HMBOX1: variants seen among roughly 807,000 people sequenced by gnomAD.
The protein encoded by HMBOX1 is homeobox containing 1, also known as homeobox-containing protein 1.
A neutral mutation model predicts 54.5 loss-of-function variants in HMBOX1; 14 were observed. That is an observed-to-expected ratio of 0.26 (90% CI 0.17 to 0.40). The LOEUF (loss-of-function observed/expected upper bound fraction) is 0.40. HMBOX1 is among the 10% of genes least tolerant of loss of function. HMBOX1 has a pLI of 1.00. For missense variants in HMBOX1, 332 were observed against 514.4 expected (o/e 0.65, Z 3.43); for synonymous variants, 160 against 181.0 (o/e 0.88, Z 0.93).
intron 1 of HMBOX1, among the ~76,000 whole-genome samples, chr8:28,962,023 C>G (rs1235719222): frequency 6.6e-6 from 1 of 151,338 alleles, no homozygotes; most frequent in East Asian, 1.9e-4. Flanking sequence ...ATCCTCCTGC[C>G]TCAACCTCCT....
chr8:28,947,883 C>T (rs370912556), intron 1 of HMBOX1, among the ~76,000 whole-genome samples: 1 of 152,086 alleles, frequency 6.6e-6, no homozygotes, highest in East Asian at 1.9e-4. Flanking sequence ...ATCTTGAATG[C>T]TTTGTCCCTT....
In HMBOX1 at chr8:28,941,117, A is replaced by AT. The variant is rs568145149; in HGVS notation, c.-57-22687dup. ...AAAATTACCTAAGCCTAGTCCTCAT[A>AT]TTTTTTTCTTTTCTATGGTTCAGAA... On this transcript the variant is annotated intron_variant, in intron 1 of 9. Transcript: ENST00000287701. Among the ~76,000 whole-genome samples the AT allele has an allele frequency of 3.0e-3, 458 of 152,110 alleles. 3 individuals carry two copies. The highest frequency in any genetic ancestry group is 0.014 in the Middle Eastern group (4 of 294).
intron 1 of HMBOX1, among the ~76,000 whole-genome samples, chr8:28,949,412 CACATATT>C (rs1391933096): frequency 6.6e-6 from 1 of 152,194 alleles, no homozygotes; most frequent in Non-Finnish European, 1.5e-5. Flanking sequence ...ATCCTGAGAA[CACATATT>C]ATTTACCCGA....
intron 6 of HMBOX1, among the ~76,000 whole-genome samples, chr8:29,033,329 A>C (rs1803312476): frequency 6.6e-6 from 1 of 152,222 alleles, no homozygotes; most frequent in Non-Finnish European, 1.5e-5. Flanking sequence ...ACTCGGGTGG[A>C]ACATAATGAA....
intron 4 of HMBOX1, among the ~76,000 whole-genome samples, chr8:28,983,034 G>T (rs1436196817): frequency 6.6e-6 from 1 of 152,114 alleles, no homozygotes; most frequent in Non-Finnish European, 1.5e-5. Flanking sequence ...TCCTGTTTTC[G>T]CAAGCAAGAA....
chr8:28,974,033 C>T (rs999120945), intron 3 of HMBOX1, among the ~76,000 whole-genome samples: 1 of 151,776 alleles, frequency 6.6e-6, no homozygotes. Flanking sequence ...AGGCTGGTCT[C>T]AAACTCCTGG....
chr8:29,001,531 T>C (rs1161664214), intron 4 of HMBOX1, among the ~76,000 whole-genome samples: 2 of 149,946 alleles, frequency 1.3e-5, no homozygotes, highest in South Asian at 2.1e-4. Flanking sequence ...GCCTCGGTAA[T>C]AGAGCGAGAT....
intron 1 of HMBOX1, among the ~76,000 whole-genome samples, chr8:28,928,103 C>A (rs1818862176): frequency 6.6e-6 from 1 of 151,742 alleles, no homozygotes; most frequent in Non-Finnish European, 1.5e-5. Flanking sequence ...CCACTGAACT[C>A]CAGCCTGGTG....
intron 3 of HMBOX1, among the ~76,000 whole-genome samples, chr8:28,975,428 C>T (rs1167684693): frequency 6.6e-6 from 1 of 152,186 alleles, no homozygotes; most frequent in African/African-American, 2.4e-5. Context: ...ATTCAACCAA[C>T]AGGCATAACT....
At chr8:28,924,913 CTTTT>C (rs368684931) in intron 1 of HMBOX1, among the ~76,000 whole-genome samples, 1 of 126,374 alleles carries the variant, frequency 7.9e-6, no homozygotes. Context: ...CGCCCAGCCT[CTTTT>C]TTTTTTTTTT....
chr8:28,937,357 A>G (rs1367128389), intron 1 of HMBOX1, among the ~76,000 whole-genome samples: 1 of 152,220 alleles, frequency 6.6e-6, no homozygotes, highest in Non-Finnish European at 1.5e-5. Flanking sequence ...TTATTATCTC[A>G]TAAGAGTACT....
At chr8:28,944,907 G>T (rs1360964986) in intron 1 of HMBOX1, among the ~76,000 whole-genome samples, 1 of 152,008 alleles carries the variant, frequency 6.6e-6, no homozygotes, top group Non-Finnish European at 1.5e-5. Flanking sequence ...TGCAGTTGCT[G>T]GGGGAAAGCA....
intron 1 of HMBOX1, among the ~76,000 whole-genome samples, chr8:28,947,880 A>G (rs192198093): frequency 9.9e-5 from 15 of 152,220 alleles, no homozygotes; most frequent in African/African-American, 3.1e-4. Context: ...TTGATCTTGA[A>G]TGCTTTGTCC....
intron 4 of HMBOX1, among the ~76,000 whole-genome samples, chr8:28,986,086 C>G (rs753127803): frequency 1.3e-5 from 2 of 152,170 alleles, no homozygotes; most frequent in Non-Finnish European, 2.9e-5. Context: ...CTGTTCATCC[C>G]CTTCTCCCCT....
At chr8:29,004,255 A>T (rs536154171) in intron 4 of HMBOX1, among the ~76,000 whole-genome samples, 2 of 152,182 alleles carry the variant, frequency 1.3e-5, no homozygotes, top group Non-Finnish European at 2.9e-5. Flanking sequence ...TGACATTTTA[A>T]ATCAATGTTG....
intron 4 of HMBOX1, among the ~76,000 whole-genome samples, chr8:28,999,366 A>G: frequency 6.6e-6 from 1 of 152,060 alleles, no homozygotes; most frequent in Admixed American, 6.6e-5. Flanking sequence ...CTAGGTATGG[A>G]TTTCTTTGAG....
At chr8:29,027,577 G>A (rs1244362297) in intron 6 of HMBOX1, among the ~76,000 whole-genome samples, 2 of 152,174 alleles carry the variant, frequency 1.3e-5, no homozygotes, top group Non-Finnish European at 2.9e-5. Context: ...AGGGAGGAAG[G>A]TAAAATAAGC....
At chr8:28,901,501 A>G (rs1014613205) in intron 1 of HMBOX1, among the ~76,000 whole-genome samples, 2 of 151,970 alleles carry the variant, frequency 1.3e-5, no homozygotes, top group East Asian at 1.9e-4. Flanking sequence ...ACCCCATAAC[A>G]TCTCTTAGAT....
chr8:29,013,023 CT>C (rs1449637792), intron 5 of HMBOX1, among the ~76,000 whole-genome samples: 1 of 152,106 alleles, frequency 6.6e-6, no homozygotes, highest in African/African-American at 2.4e-5. Context: ...TGAAAAACTA[CT>C]TTTTCTTTTT....
Sources: gnomAD v4.1 joint callset for allele counts (sites outside exome capture counted in the v4.1 genomes callset) on GRCh38, gnomAD v4.1.1 for gene constraint, MANE v1.5 for transcripts, NCBI Gene and HGNC (gene_info 2026-07-23, HGNC 2026-07-21) for gene names.